The following NFAM1 variants were observed in gnomAD, a reference collection of about 807,000 sequenced individuals.
NFAM1 encodes NFAT activating protein with ITAM motif 1, also known as NFAT activation molecule 1.
A neutral mutation model predicts 29.0 loss-of-function variants in NFAM1; 17 were observed. The observed-to-expected ratio is 0.59, with a 90% CI of 0.40 to 0.88. The LOEUF is 0.88. Among genes scored for constraint, NFAM1 ranks in the 40% least tolerant of loss-of-function variants. NFAM1 has a pLI of 0.00. For missense variants in NFAM1, 324 were observed against 344.6 expected (o/e 0.94, Z 0.47); for synonymous variants, 175 against 147.2 (o/e 1.19, Z -1.36).
chr22:42,401,152 G>T (rs933568520), intron 3 of NFAM1, among the ~76,000 whole-genome samples: 3 of 152,246 alleles, frequency 2.0e-5, no homozygotes, highest in Admixed American at 2.0e-4. Flanking sequence ...GTCTGCAGGG[G>T]ACTGAAGCAG....
chr22:42,436,392 AG>A (rs1201359291), upstream of NFAM1, among the ~76,000 whole-genome samples: 1 of 152,194 alleles, frequency 6.6e-6, no homozygotes, highest in Non-Finnish European at 1.5e-5. Flanking sequence ...AAAGGGTTCC[AG>A]GGTACTCAGG....
upstream of NFAM1, among the ~76,000 whole-genome samples, chr22:42,436,704 C>G (rs1416113299): frequency 3.3e-5 from 5 of 152,262 alleles, no homozygotes; most frequent in African/African-American, 9.6e-5. Flanking sequence ...TCTTGTACTT[C>G]AGCCCTCATA....
At chr22:42,406,454 C>T (rs1929900762) in intron 3 of NFAM1, among the ~76,000 whole-genome samples, 1 of 152,184 alleles carries the variant, frequency 6.6e-6, no homozygotes, top group Non-Finnish European at 1.5e-5. Context: ...CATCTCCTTC[C>T]ACTTCCCATC....
At chr22:42,436,830 G>A (rs1276599407), upstream of NFAM1, 1 of 216,378 alleles carries the variant, frequency 4.6e-6, no homozygotes, top group Admixed American at 6.5e-5. Flanking sequence ...GTGGAACAAG[G>A]GCTCCAGCTC....
chr22:42,410,942 G>A (rs562046297), intron 2 of NFAM1, among the ~76,000 whole-genome samples: 14 of 152,162 alleles, frequency 9.2e-5, no homozygotes, highest in African/African-American at 1.4e-4. Context: ...GCCGTAGGCC[G>A]GGGCTCCCTG....
At chr22:42,406,537 C>T (rs11704106) in intron 3 of NFAM1, among the ~76,000 whole-genome samples, 1,899 of 152,284 alleles carry the variant, frequency 0.012, 13 homozygotes, top group Non-Finnish European at 0.016. Context: ...ACCCCATGCC[C>T]GCTTCTGCCT....
At chr22:42,425,254 A>C (rs1330794015) in intron 1 of NFAM1, among the ~76,000 whole-genome samples, 2 of 149,632 alleles carry the variant, frequency 1.3e-5, no homozygotes, top group Non-Finnish European at 3.0e-5. Context: ...GACAAGAGAA[A>C]TACTAGAATT....
At chr22:42,423,320 C>G (rs1483321939) in intron 1 of NFAM1, among the ~76,000 whole-genome samples, 1 of 151,932 alleles carries the variant, frequency 6.6e-6, no homozygotes, top group Non-Finnish European at 1.5e-5. Flanking sequence ...CCCATCTCAG[C>G]CTGGGAGGGG....
rs867357863 is a variant in NFAM1 at position 42,409,652 on chromosome 22, C to T, written c.452-105G>A. The T allele has an allele frequency of 2.0e-6, 1 of 494,202 alleles. No homozygotes were observed. The highest frequency in any genetic ancestry group is 4.4e-5 in the South Asian group (1 of 22,732). The allele number at this position is 494,202 out of a possible 1,614,324, so 30.6% of individuals were successfully genotyped here. On this transcript the variant is annotated intron_variant, in intron 2 of 5. Coordinates refer to ENST00000329021, the MANE Select transcript of NFAM1 (RefSeq NM_145912.8). This position sits in a 1 kb window ranked among gnomAD's most constrained non-coding sequence, Gnocchi z 4.9. ...TCAGGACCCTGTTTTCAATGCTACC[C>T]CGCCAACACGCTCCACACCCCACTA...
chr22:42,395,224 A>C (rs1399588421), intron 4 of NFAM1, among the ~76,000 whole-genome samples: 3 of 152,078 alleles, frequency 2.0e-5, no homozygotes, highest in Non-Finnish European at 4.4e-5. Context: ...CTGTAATCCC[A>C]GCACTTTAGG....
At chr22:42,424,197 CA>C (rs1930542169) in intron 1 of NFAM1, among the ~76,000 whole-genome samples, 1 of 151,988 alleles carries the variant, frequency 6.6e-6, no homozygotes, top group Non-Finnish European at 1.5e-5. Context: ...GGGCGGATCA[CA>C]ACGTCAGGAG....
In NFAM1 at chr22:42,409,372, A is replaced by G. The variant is rs1930004203; in HGVS notation, c.564+63T>C. On this transcript the variant is annotated intron_variant, in intron 3 of 5. Transcript: ENST00000329021. This position sits in a 1 kb window ranked among gnomAD's most constrained non-coding sequence, Gnocchi z 4.9. ...GCCCACCAAACGCCCTGCAGAGGGC[A>G]GGCGGGCAGCCGGTGGCGTGTCGGG... The G allele has an allele frequency of 2.3e-6, 2 of 878,926 alleles. No individual in the cohort carries two copies. The highest frequency in any genetic ancestry group is 4.2e-5 in the South Asian group (2 of 47,090). The allele number at this position is 878,926 out of a possible 1,614,324, so 54.4% of individuals were successfully genotyped here.
rs578144973 is a variant in NFAM1 at position 42,383,810 on chromosome 22, C to T, written c.*1351G>A. 6.5e-6 allele frequency: 1 copy of T among 152,818 alleles called. No homozygotes were observed. The highest frequency in any genetic ancestry group is 6.5e-5 in the Admixed American group (1 of 15,302). The allele number at this position is 152,818 out of a possible 1,614,324, so 9.5% of individuals were successfully genotyped here. On this transcript the variant is annotated 3_prime_UTR_variant, in exon 6 of 6. Transcript: ENST00000329021. ...CCACACGGTGGGGTGGGAAGATTGA[C>T]CTGCCCATTTTACAAATGAGCAAAG...
At chr22:42,421,289 A>T (rs1930435928) in intron 1 of NFAM1, among the ~76,000 whole-genome samples, 1 of 151,918 alleles carries the variant, frequency 6.6e-6, no homozygotes, top group African/African-American at 2.4e-5. Context: ...CGTCTCTGTT[A>T]AAAATACAAA....
At chr22:42,420,584 G>A (rs767541668) in intron 1 of NFAM1, among the ~76,000 whole-genome samples, 3 of 151,976 alleles carry the variant, frequency 2.0e-5, no homozygotes, top group African/African-American at 4.8e-5. Context: ...TGGCCAACAC[G>A]GTGAAACACT....
At position 42,384,827 on chromosome 22, in the gene NFAM1, G is replaced by C; in HGVS notation, c.*334C>G. 1 of 413,184 alleles carries C rather than the reference G, an allele frequency of 2.4e-6. No individual in the cohort carries two copies. 25.6% of individuals were successfully genotyped at this position (413,184 alleles called of 1,614,324 possible). ...GCCAAGAGAGCATGCTGCTCTGTCAGCATGAGGCAGTGAGCAGGGCTCTGG... is the reference window on the plus strand; with the variant it reads ...GCCAAGAGAGCATGCTGCTCTGTCACCATGAGGCAGTGAGCAGGGCTCTGG... On this transcript the variant is annotated 3_prime_UTR_variant, in exon 6 of 6. Coordinates refer to ENST00000329021, the MANE Select transcript of NFAM1 (RefSeq NM_145912.8).
chr22:42,432,373 TCTGCGGCGACTCTTTA>T lies in NFAM1; in HGVS notation c.-32_-17del. ...GGTTCTCCATCTGGGGGCCTGCTTGTCTGCGGCGACTCTTTAGTTCACAGGAGGGGACGGCCGGCGC... is the reference window on the plus strand; with the variant it reads ...GGTTCTCCATCTGGGGGCCTGCTTGTGTTCACAGGAGGGGACGGCCGGCGC... On this transcript the variant is annotated 5_prime_UTR_variant, in exon 1 of 6. Transcript: ENST00000329021. 2 of 1,554,520 alleles carry T rather than the reference TCTGCGGCGACTCTTTA, an allele frequency of 1.3e-6. No homozygotes were observed. The highest frequency in any genetic ancestry group is 2.4e-5 in the South Asian group (2 of 83,132).
At position 42,386,386 on chromosome 22, in the gene NFAM1, AAAAC is replaced by A. The variant is rs755068321; in HGVS notation, c.753+599_753+602del. ...AAGACTCTGTCTCAAAACAAAAACA[AAAAC>A]AAACAAACACACACACACACACACA... On this transcript the variant is annotated intron_variant, in intron 5 of 5. Transcript: ENST00000329021. Among the ~76,000 whole-genome samples, 372 of 145,818 alleles carry A rather than the reference AAAAC, an allele frequency of 2.6e-3. 1 individual carries two copies. Among genetic ancestry groups the A allele is most frequent in the Non-Finnish European group, 3.6e-3 (244 of 67,196 alleles).
intron 3 of NFAM1, among the ~76,000 whole-genome samples, chr22:42,405,461 A>G (rs1483557437): frequency 6.6e-6 from 1 of 152,172 alleles, no homozygotes; most frequent in African/African-American, 2.4e-5. Context: ...TCGGTAGTGA[A>G]CAAATCGAGA....
Sources: allele counts gnomAD v4.1 joint callset (sites outside exome capture counted in the v4.1 genomes callset), GRCh38; gene constraint gnomAD v4.1.1; non-coding constraint Gnocchi (gnomAD v3.1); transcripts MANE v1.5; gene names NCBI Gene and HGNC (gene_info 2026-07-23, HGNC 2026-07-21).